DRC8: variants seen among roughly 807,000 people sequenced by gnomAD.
DRC8 encodes dynein regulatory complex protein 8.
At chr1:245,092,684 T>G in the DRC8 span, among the ~76,000 whole-genome samples, 2 of 152,236 alleles carry the variant, frequency 1.3e-5, no homozygotes, top group African/African-American at 2.4e-5. Context: ...CAGGGGATCC[T>G]TATGCACGCT....
chr1:245,083,732 T>A, the DRC8 span: 1 of 1,569,796 alleles, frequency 6.4e-7, no homozygotes, highest in East Asian at 2.3e-5. Flanking sequence ...ATGTGAGGAA[T>A]TAATAATTTG....
the DRC8 span, among the ~76,000 whole-genome samples, chr1:245,031,421 G>T: frequency 2.3e-4 from 35 of 151,858 alleles, 1 homozygote; most frequent in Admixed American, 7.9e-4. Flanking sequence ...TTCTAGGCCC[G>T]GTCCATGGAA....
At chr1:245,083,755 C>A in the DRC8 span, 2 of 1,535,044 alleles carry the variant, frequency 1.3e-6, no homozygotes, top group Non-Finnish European at 1.7e-6. Context: ...AACAGTTATG[C>A]GAAAGTTATA....
the DRC8 span, among the ~76,000 whole-genome samples, chr1:244,986,087 CT>C: frequency 6.6e-6 from 1 of 151,684 alleles, no homozygotes; most frequent in Non-Finnish European, 1.5e-5. Flanking sequence ...TCCCGAGTAG[CT>C]GGGATTACAG....
chr1:245,039,859 C>CA, the DRC8 span, among the ~76,000 whole-genome samples: 1 of 152,184 alleles, frequency 6.6e-6, no homozygotes, highest in African/African-American at 2.4e-5. Context: ...GTGCCCTTCT[C>CA]AGAGCATCAT....
the DRC8 span, among the ~76,000 whole-genome samples, chr1:245,108,679 C>T: frequency 6.6e-6 from 1 of 151,906 alleles, no homozygotes; most frequent in South Asian, 2.1e-4. Context: ...GAGTCTATTC[C>T]TCCTCCTCTC....
At chr1:244,970,660 C>CTCTCCCCCGCCCCGCCCCGCCTG in the DRC8 span, 1 of 60,736 alleles carries the variant, frequency 1.6e-5, no homozygotes, top group Non-Finnish European at 3.3e-5. Flanking sequence ...CGCCCCGCCT[C>CTCTCCCCCGCCCCGCCCCGCCTG]TCTCCCCCGC....
the DRC8 span, among the ~76,000 whole-genome samples, chr1:244,997,194 A>AT: frequency 4.0e-5 from 6 of 151,792 alleles, no homozygotes; most frequent in African/African-American, 1.5e-4. Context: ...TGACCTTTTT[A>AT]TTTTTTTTAA....
At chr1:245,092,896 T>A in the DRC8 span, among the ~76,000 whole-genome samples, 3 of 151,914 alleles carry the variant, frequency 2.0e-5, no homozygotes, top group Non-Finnish European at 2.9e-5. Flanking sequence ...CTCAAAAAAA[T>A]AAAAAAATAT....
chr1:244,980,288 G>T, the DRC8 span, among the ~76,000 whole-genome samples: 1 of 151,838 alleles, frequency 6.6e-6, no homozygotes, highest in Non-Finnish European at 1.5e-5. Flanking sequence ...AACCCGGGAG[G>T]TGGAGGTTGC....
chr1:245,094,942 G>A, the DRC8 span, among the ~76,000 whole-genome samples: 1 of 152,152 alleles, frequency 6.6e-6, no homozygotes, highest in Non-Finnish European at 1.5e-5. Context: ...TATCACTGTG[G>A]AACCTATCAG....
chr1:245,030,621 T>C, the DRC8 span: 55,578 of 152,030 alleles, frequency 0.37, 10,480 homozygotes, highest in African/African-American at 0.47. Flanking sequence ...ATGCTGGTGA[T>C]TCTACTCACC....
At chr1:245,032,567 C>T in the DRC8 span, among the ~76,000 whole-genome samples, 1 of 152,140 alleles carries the variant, frequency 6.6e-6, no homozygotes, top group African/African-American at 2.4e-5. Context: ...CTGTTTTTTA[C>T]TGAAAGCTTG....
At chr1:245,090,363 A>G in the DRC8 span, among the ~76,000 whole-genome samples, 1 of 152,152 alleles carries the variant, frequency 6.6e-6, no homozygotes, top group Non-Finnish European at 1.5e-5. Flanking sequence ...GTTTCCCTTG[A>G]AATTTCGCTT....
chr1:245,096,371 C>T, the DRC8 span, among the ~76,000 whole-genome samples: 19 of 152,252 alleles, frequency 1.2e-4, no homozygotes, highest in Non-Finnish European at 1.5e-4. Context: ...ACTGGCCTCC[C>T]GCGCTCACAC....
the DRC8 span, among the ~76,000 whole-genome samples, chr1:245,110,244 C>T: frequency 6.6e-6 from 1 of 152,064 alleles, no homozygotes; most frequent in Admixed American, 6.6e-5. Context: ...ATCAGTCGAG[C>T]ATGGTGATGC....
At chr1:245,035,690 A>G in the DRC8 span, among the ~76,000 whole-genome samples, 1 of 141,194 alleles carries the variant, frequency 7.1e-6, no homozygotes, top group Admixed American at 7.1e-5. Flanking sequence ...AACGTGGTGA[A>G]ACCCCATTTC....
chr1:245,095,130 C>T, the DRC8 span, among the ~76,000 whole-genome samples: 5 of 152,198 alleles, frequency 3.3e-5, no homozygotes, highest in East Asian at 5.8e-4. Flanking sequence ...ATCACACAAC[C>T]GGAACAGCCC....
At chr1:245,081,317 A>G in the DRC8 span, among the ~76,000 whole-genome samples, 10 of 151,714 alleles carry the variant, frequency 6.6e-5, no homozygotes, top group East Asian at 1.8e-3. Context: ...GCCCACCACC[A>G]TGCCTGGCTA....
Sources: gnomAD v4.1 joint callset for allele counts (sites outside exome capture counted in the v4.1 genomes callset) on GRCh38, gnomAD v4.1.1 for gene constraint, MANE v1.5 for transcripts, NCBI Gene and HGNC (gene_info 2026-07-23, HGNC 2026-07-21) for gene names.